Variants in SEL1L3 observed in about 807,000 individuals in gnomAD.
SEL1L3 encodes the protein SEL1L family member 3, also known as protein sel-1 homolog 3.
In SEL1L3, 76 loss-of-function variants were observed where a neutral mutation model predicts 142.8. That is an observed-to-expected ratio of 0.53 (90% CI 0.44 to 0.64). SEL1L3 has a LOEUF of 0.64. SEL1L3 is among the 30% of genes least tolerant of loss of function. The pLI is 0.00. For missense variants in SEL1L3, 1,262 were observed against 1,381.7 expected, an observed-to-expected ratio of 0.91 and a Z score of 1.37; for synonymous variants, 504 against 519.6, an observed-to-expected ratio of 0.97 and a Z score of 0.41.
chr4:25,815,518 C>T (rs1714335854), intron 9 of SEL1L3, among the ~76,000 whole-genome samples: 1 of 152,140 alleles, frequency 6.6e-6, no homozygotes, highest in Non-Finnish European at 1.5e-5. Context: ...ACAGTATTTA[C>T]TTAAAAAAGA....
chr4:25,761,965 A>AT (rs1488309709), intron 20 of SEL1L3, among the ~76,000 whole-genome samples: 2 of 151,880 alleles, frequency 1.3e-5, no homozygotes, highest in African/African-American at 2.4e-5. Flanking sequence ...TTTTACTTCT[A>AT]TTTTTTGAGA....
At chr4:25,732,010 G>T in the SEL1L3 span, among the ~76,000 whole-genome samples, 1 of 152,158 alleles carries the variant, frequency 6.6e-6, no homozygotes, top group Non-Finnish European at 1.5e-5. Flanking sequence ...GGAAGTGGAG[G>T]TTGCAGTGAT....
chr4:25,802,216 G>A, intron 11 of SEL1L3, 67 bp downstream of exon 11: 3 of 1,440,130 alleles, frequency 2.1e-6, no homozygotes, highest in Non-Finnish European at 2.8e-6. Context: ...CAACCACAGG[G>A]GCAGACACTT....
At chr4:25,785,519 C>T (rs1460377293) in intron 13 of SEL1L3, among the ~76,000 whole-genome samples, 1 of 152,180 alleles carries the variant, frequency 6.6e-6, no homozygotes, top group Non-Finnish European at 1.5e-5. Context: ...TCTTTCAGGA[C>T]CCCAAATAAA....
intron 3 of SEL1L3, among the ~76,000 whole-genome samples, chr4:25,834,607 T>C (rs1267617836): frequency 3.9e-5 from 6 of 152,140 alleles, no homozygotes; most frequent in Non-Finnish European, 4.4e-5. Flanking sequence ...AGCAAGCTCA[T>C]GAAGATAAGT....
chr4:25,802,349 CGA>C lies in SEL1L3; in HGVS notation c.1888_1889del (p.Ser630ValfsTer14). The C allele has an allele frequency of 6.2e-7, 1 of 1,613,770 alleles. No individual in the cohort carries two copies. The highest frequency in any genetic ancestry group is 8.5e-7 in the Non-Finnish European group (1 of 1,179,828). On this transcript the variant is annotated frameshift_variant, in exon 11 of 24. Transcript: ENST00000399878. LOFTEE classifies it high-confidence loss of function. ...TGGCAATGTTGCTGTAGTAGGCATA[CGA>C]CAGTTCCCAGTCCAGGGGGTAGTTG... ...IDNYPLDWELSYAYYSNIATK... is the reference protein window; with the variant it reads ...IDNYPLDWELXYAYYSNIATK...
intron 19 of SEL1L3, among the ~76,000 whole-genome samples, chr4:25,767,186 C>T (rs535490308): frequency 1.2e-4 from 19 of 152,114 alleles, no homozygotes; most frequent in Non-Finnish European, 2.2e-4. Context: ...CCCAGCTACT[C>T]GGGCAGGAGA....
chr4:25,798,362 C>T (rs1290619848), intron 11 of SEL1L3, among the ~76,000 whole-genome samples: 5 of 152,166 alleles, frequency 3.3e-5, no homozygotes, highest in Non-Finnish European at 4.4e-5. Context: ...TACACGTACA[C>T]ATGTATCTGC....
chr4:25,795,059 G>A lies in SEL1L3; in HGVS notation c.1957-4485C>T, dbSNP rs191031047. Among the ~76,000 whole-genome samples the A allele has an allele frequency of 2.2e-3, 337 of 150,132 alleles. 2 individuals carry two copies. Among genetic ancestry groups the A allele is most frequent in the African/African-American group, 8.0e-3 (322 of 40,350 alleles). ...AACACACACTGGGGCCTCTTGGGGGGTGGGGGGGAGGGAGAAGATCAGGAA... is the reference window on the plus strand; with the variant it reads ...AACACACACTGGGGCCTCTTGGGGGATGGGGGGGAGGGAGAAGATCAGGAA... On this transcript the variant is annotated intron_variant, in intron 11 of 23. Transcript: ENST00000399878.
At chr4:25,770,312 C>T (rs1719067012) in intron 17 of SEL1L3, 1 of 152,146 alleles carries the variant, frequency 6.6e-6, no homozygotes, top group Non-Finnish European at 1.5e-5. Flanking sequence ...TTATAGACTT[C>T]TATCGTCCAA....
In SEL1L3 at chr4:25,820,489, T is replaced by C. The variant is rs1714682212; in HGVS notation, c.1291-549A>G. Among the ~76,000 whole-genome samples, 3 of 152,240 alleles carry C rather than the reference T, an allele frequency of 2.0e-5. No homozygotes were observed. In the South Asian group the frequency reaches 6.2e-4, roughly 31 times the overall value. ...GTACTGTATTCTTTCATGAATTCCCTGTTTAAGATCCCGAAAGGGAGCGCC... is the reference window on the plus strand; with the variant it reads ...GTACTGTATTCTTTCATGAATTCCCCGTTTAAGATCCCGAAAGGGAGCGCC... On this transcript the variant is annotated intron_variant, in intron 7 of 23. Transcript: ENST00000399878.
At chr4:25,835,578 G>A (rs1334462897) in intron 2 of SEL1L3, among the ~76,000 whole-genome samples, 2 of 152,164 alleles carry the variant, frequency 1.3e-5, no homozygotes, top group Non-Finnish European at 2.9e-5. Flanking sequence ...TGAAAAGCCC[G>A]AGGCTAAGTT....
chr4:25,756,429 A>G, intron 23 of SEL1L3: 1 of 985,000 alleles, frequency 1.0e-6, no homozygotes, highest in Non-Finnish European at 1.2e-6. Flanking sequence ...CCAGATAAAT[A>G]TAACAGCTAA....
chr4:25,800,250 T>C (rs149406930), intron 11 of SEL1L3, among the ~76,000 whole-genome samples: 2 of 152,232 alleles, frequency 1.3e-5, no homozygotes, highest in Non-Finnish European at 1.5e-5. Flanking sequence ...AATAGATTTC[T>C]CAACAAAAGG....
intron 2 of SEL1L3, among the ~76,000 whole-genome samples, chr4:25,836,533 A>T (rs10050080): frequency 0.7 from 105,653 of 151,862 alleles, 36,994 homozygotes; most frequent in Admixed American, 0.75. Flanking sequence ...GTGCCTGTAA[A>T]CCCAGCTACT....
rs7701 is a variant in SEL1L3 at position 25,747,681 on chromosome 4, C to A, written c.*744G>T. 0.41 allele frequency: 61,923 copies of A among 152,060 alleles called. 14,085 individuals are homozygous for A. The highest frequency in any genetic ancestry group is 0.7 in the East Asian group (3,629 of 5,168). 9.4% of individuals were successfully genotyped at this position (152,060 alleles called of 1,614,324 possible). On this transcript the variant is annotated 3_prime_UTR_variant, in exon 24 of 24. Coordinates refer to ENST00000399878, the MANE Select transcript of SEL1L3 (RefSeq NM_015187.5). Reference sequence around the variant, plus strand: ...CTAGAGGCTTACTTGCTGCATATTCCGTTGCTGCCAGTCTATTCTAACGTG... The same window carrying A: ...CTAGAGGCTTACTTGCTGCATATTCAGTTGCTGCCAGTCTATTCTAACGTG...
At position 25,818,288 on chromosome 4, in the gene SEL1L3, A is replaced by G; in HGVS notation, c.1424-10T>C. The G allele has an allele frequency of 6.3e-7, 1 of 1,592,694 alleles. No individual in the cohort carries two copies. Among genetic ancestry groups the G allele is most frequent in the Non-Finnish European group, 8.6e-7 (1 of 1,169,398 alleles). Reference sequence around the variant, plus strand: ...GAGTTGTGGAGGTGGCCTACACAGAAGAGGGAGCAGAAGATATCACACCCT... The same window carrying G: ...GAGTTGTGGAGGTGGCCTACACAGAGGAGGGAGCAGAAGATATCACACCCT... On this transcript the variant is annotated splice_polypyrimidine_tract_variant and intron_variant, in intron 8 of 23. Transcript: ENST00000399878.
intron 17 of SEL1L3, chr4:25,773,620 T>C (rs1719392873): frequency 1.3e-5 from 2 of 152,192 alleles, no homozygotes; most frequent in African/African-American, 4.8e-5. Context: ...GGCTCTGTCA[T>C]GTAACTACGC....
At chr4:25,760,333 T>C (rs1326790252) in intron 20 of SEL1L3, among the ~76,000 whole-genome samples, 1 of 152,218 alleles carries the variant, frequency 6.6e-6, no homozygotes, top group East Asian at 1.9e-4. Context: ...GATGGGCATT[T>C]GGGTTGATTC....
Sources: gnomAD v4.1 joint callset for allele counts (sites outside exome capture counted in the v4.1 genomes callset) on GRCh38, gnomAD v4.1.1 for gene constraint, MANE v1.5 for transcripts, NCBI Gene and HGNC (gene_info 2026-07-23, HGNC 2026-07-21) for gene names.